Variants in BRWD1 observed in about 807,000 individuals in gnomAD.
BRWD1 encodes bromodomain and WD repeat domain containing 1.
Under a neutral mutation model 251.2 loss-of-function variants are expected in BRWD1, and 82 were observed. That is an observed-to-expected ratio of 0.33 (90% CI 0.27 to 0.39). BRWD1 has a LOEUF of 0.39. BRWD1 is among the 10% of genes least tolerant of loss of function. The pLI is 1.00. For synonymous variants in BRWD1, 918 were observed against 902.8 expected (o/e 1.02, Z -0.30); for missense variants, 2,233 against 2,711.6 (o/e 0.82, Z 3.92).
intron 8 of BRWD1, among the ~76,000 whole-genome samples, chr21:39,287,988 T>C (rs1461520746): frequency 1.3e-5 from 2 of 152,166 alleles, no homozygotes; most frequent in Non-Finnish European, 2.9e-5. Context: ...GTCCAAGAAT[T>C]CAACAGCAGC....
intron 13 of BRWD1, among the ~76,000 whole-genome samples, chr21:39,271,263 G>C (rs1486970328): frequency 6.6e-6 from 1 of 152,192 alleles, no homozygotes; most frequent in Non-Finnish European, 1.5e-5. Context: ...TTGCACTCCA[G>C]CCTGGGTGAC....
intron 20 of BRWD1, among the ~76,000 whole-genome samples, chr21:39,250,128 T>G (rs1055144591): frequency 6.6e-6 from 1 of 152,112 alleles, no homozygotes; most frequent in Non-Finnish European, 1.5e-5. Flanking sequence ...GCTTTGGCTG[T>G]TAGCCCAAAA....
In BRWD1 at chr21:39,298,505, T is replaced by C. The variant is rs1483471922; in HGVS notation, c.276A>G (p.Glu92=). ...CQRIGPMLDK[E]IPPSISRVTS... ...TGACTCTTGAAATACTGGGTGGAAT[T>C]TCTTTATCCAACATAGGACCGATGC... Residue 92 remains glutamate (E), a synonymous_variant, in exon 5 of 41, where the codon GAA becomes GAG. Transcript: ENST00000342449. 2 of 1,611,310 alleles carry C rather than the reference T, an allele frequency of 1.2e-6. No homozygotes were observed. The highest frequency in any genetic ancestry group is 1.7e-6 in the Non-Finnish European group (2 of 1,179,258).
chr21:39,276,878 A>G (rs887399306), intron 11 of BRWD1, among the ~76,000 whole-genome samples: 1 of 152,214 alleles, frequency 6.6e-6, no homozygotes, highest in Non-Finnish European at 1.5e-5. Flanking sequence ...CTGAGTTGCC[A>G]GTGACATACC....
chr21:39,189,971 G>C lies in BRWD1; in HGVS notation c.*6288C>G. 1 of 985,374 alleles carries C rather than the reference G, an allele frequency of 1.0e-6. No homozygotes were observed. Among genetic ancestry groups the C allele is most frequent in the Non-Finnish European group, 1.2e-6 (1 of 829,902 alleles). The allele number at this position is 985,374 out of a possible 1,614,324, so 61.0% of individuals were successfully genotyped here. On this transcript the variant is annotated 3_prime_UTR_variant, in exon 41 of 41. Transcript: ENST00000342449. ...AGTCATGGGTTTACAAAGTCATTGA[G>C]TGCTTGAGGACTTGTTTTCCTGGAA... is the stretch of plus-strand genomic sequence containing the variant.
At chr21:39,296,553 C>A (rs2035966719) in intron 5 of BRWD1, 190 bp from the exon 6 acceptor site, 3 of 1,226,650 alleles carry the variant, frequency 2.4e-6, no homozygotes, top group Non-Finnish European at 3.1e-6. Flanking sequence ...ATCTCAGATA[C>A]AGCAGCAACA....
chr21:39,315,651 T>C (rs1199400685), upstream of BRWD1: 1 of 152,018 alleles, frequency 6.6e-6, no homozygotes, highest in Non-Finnish European at 1.5e-5. Context: ...AAAAAGCTAT[T>C]TGTGAGGTAA....
chr21:39,294,879 CA>C (rs1161661257), intron 7 of BRWD1, among the ~76,000 whole-genome samples: 1 of 152,136 alleles, frequency 6.6e-6, no homozygotes, highest in East Asian at 1.9e-4. Context: ...TTGAATTTTA[CA>C]CCCACAAAAT....
At chr21:39,257,429 A>G (rs2034595371) in intron 18 of BRWD1, among the ~76,000 whole-genome samples, 1 of 152,200 alleles carries the variant, frequency 6.6e-6, no homozygotes, top group African/African-American at 2.4e-5. Flanking sequence ...ATTGAGAGAA[A>G]TCTTGTGAAA....
At chr21:39,289,809 G>A (rs1478433428) in intron 8 of BRWD1, among the ~76,000 whole-genome samples, 4 of 151,962 alleles carry the variant, frequency 2.6e-5, no homozygotes, top group Admixed American at 6.6e-5. Flanking sequence ...CGGATCATGA[G>A]GTCAGGAGAT....
At chr21:39,299,812 TAA>T (rs34769388) in intron 4 of BRWD1, among the ~76,000 whole-genome samples, 101 of 144,676 alleles carry the variant, frequency 7.0e-4, no homozygotes, top group Middle Eastern at 3.6e-3. Flanking sequence ...CCATCTCTAC[TAA>T]AAAAAAAAAA....
Position 39,195,193 on chromosome 21 carries a change from G to A in BRWD1, c.*1066C>T, listed in dbSNP as rs1157569222. 1 of 1,035,104 alleles carries A rather than the reference G, an allele frequency of 9.7e-7. No homozygotes were observed. Among genetic ancestry groups the A allele is most frequent in the Non-Finnish European group, 1.2e-6 (1 of 861,944 alleles). The allele number at this position is 1,035,104 out of a possible 1,614,324, so 64.1% of individuals were successfully genotyped here. A position where few individuals can be genotyped will look rare whatever the true frequency, so the allele number is the denominator to read the frequency against. ...CAAAGAATGCTTAGGATTGCACATG[G>A]AAGCAGTAAACTAAAACAAAGAGAT... On this transcript the variant is annotated 3_prime_UTR_variant, in exon 41 of 41. Transcript: ENST00000342449.
intron 25 of BRWD1, among the ~76,000 whole-genome samples, chr21:39,229,703 C>T (rs114253864): frequency 0.015 from 2,320 of 152,206 alleles, 58 homozygotes; most frequent in African/African-American, 0.053. Context: ...CAATATCTAA[C>T]GACAATCACT....
intron 15 of BRWD1, among the ~76,000 whole-genome samples, chr21:39,267,524 G>A (rs113617088): frequency 0.08 from 12,201 of 152,056 alleles, 668 homozygotes; most frequent in Non-Finnish European, 0.12. Flanking sequence ...GCGTGAACCC[G>A]GGAGGCGGAG....
intron 3 of BRWD1, 28 bp from the exon 4 acceptor site, chr21:39,312,928 G>A (rs779469305): frequency 2.4e-5 from 29 of 1,221,706 alleles, no homozygotes; most frequent in Non-Finnish European, 2.1e-5. Context: ...GCACACGAGT[G>A]ACCACCCCTC....
At chr21:39,225,223 G>C in intron 27 of BRWD1, 26 bp from the exon 28 acceptor site, 1 of 1,458,610 alleles carries the variant, frequency 6.9e-7, no homozygotes, top group Non-Finnish European at 9.6e-7. Context: ...TCAAGTCTGA[G>C]GCATTTCTCT....
At chr21:39,313,777 C>T (rs1179027834), upstream of BRWD1, 6 of 388,978 alleles carry the variant, frequency 1.5e-5, no homozygotes, top group Admixed American at 1.5e-4. Context: ...CTCTCTGCCT[C>T]CGGGGACTCG....
Position 39,196,444 on chromosome 21 carries a change from T to G in BRWD1, c.6625A>C (p.Lys2209Gln), listed in dbSNP as rs1453548934. ...SKTVRRQRQSKRPRLSVDDND... is the reference protein window; with the variant it reads ...SKTVRRQRQSQRPRLSVDDND... The stretch of plus-strand genomic sequence containing the variant: ...TCATCCACACTTAACCTAGGGCGTT[T>G]GCTTTGTCTTTGACGTCTCACAGTT... Residue 2209 changes from lysine to glutamine, a missense_variant, in exon 41 of 41, where the codon AAA (lysine) becomes CAA (glutamine). Transcript: ENST00000342449. The G allele has an allele frequency of 6.8e-6, 11 of 1,613,576 alleles. No individual in the cohort carries two copies. Among genetic ancestry groups the G allele is most frequent in the Non-Finnish European group, 9.3e-6 (11 of 1,179,736 alleles).
intron 11 of BRWD1, among the ~76,000 whole-genome samples, chr21:39,276,630 C>T (rs753350278): frequency 2.6e-5 from 4 of 152,192 alleles, no homozygotes; most frequent in Non-Finnish European, 4.4e-5. Context: ...TGGATGTGGA[C>T]TGCCTTCCCA....
Sources: allele counts gnomAD v4.1 joint callset (sites outside exome capture counted in the v4.1 genomes callset), GRCh38; gene constraint gnomAD v4.1.1; transcripts MANE v1.5; gene names NCBI Gene and HGNC (gene_info 2026-07-23, HGNC 2026-07-21).